The following PGM2L1 variants were observed in gnomAD, a reference collection of about 807,000 sequenced individuals.
PGM2L1 encodes glucose 1,6-bisphosphate synthase.
A neutral mutation model predicts 73.4 loss-of-function variants in PGM2L1; 35 were observed. That is an observed-to-expected ratio of 0.48 (90% CI 0.36 to 0.63). The LOEUF is 0.63. Ranked by LOEUF, PGM2L1 falls within the 30% of genes least tolerant of loss-of-function variation. PGM2L1 has a pLI of 0.00. For synonymous variants in PGM2L1, 225 were observed against 253.8 expected, an observed-to-expected ratio of 0.89 and a Z score of 1.08; for missense variants, 570 against 742.0, an observed-to-expected ratio of 0.77 and a Z score of 2.69.
intron 2 of PGM2L1, among the ~76,000 whole-genome samples, chr11:74,374,052 CAAAA>C (rs60395088): frequency 1.2e-5 from 1 of 85,646 alleles, no homozygotes; most frequent in South Asian, 4.7e-4. Context: ...TTTATAAAGC[CAAAA>C]AAAAAAAAAA....
chr11:74,357,181 A>G (rs1012315724), intron 5 of PGM2L1, among the ~76,000 whole-genome samples: 18 of 152,288 alleles, frequency 1.2e-4, no homozygotes, highest in African/African-American at 3.4e-4. Context: ...CACCAAAGGC[A>G]TGATCCATGA....
intron 1 of PGM2L1, among the ~76,000 whole-genome samples, chr11:74,396,451 G>A (rs1258317114): frequency 6.6e-6 from 1 of 150,832 alleles, no homozygotes; most frequent in Non-Finnish European, 1.5e-5. Context: ...GTCTCGCTCT[G>A]TCGCCCAGGC....
chr11:74,338,837 A>G (rs966411225), intron 12 of PGM2L1, among the ~76,000 whole-genome samples: 2 of 152,236 alleles, frequency 1.3e-5, no homozygotes, highest in African/African-American at 4.8e-5. Flanking sequence ...TCGCACAACA[A>G]TATAAATATA....
At chr11:74,359,361 T>G (rs1861409732) in intron 5 of PGM2L1, among the ~76,000 whole-genome samples, 1 of 152,060 alleles carries the variant, frequency 6.6e-6, no homozygotes, top group Admixed American at 6.6e-5. Context: ...CACTGCACTC[T>G]CTGACAGAGG....
At chr11:74,340,601 CACA>C (rs1219799868) in intron 12 of PGM2L1, among the ~76,000 whole-genome samples, 3 of 152,266 alleles carry the variant, frequency 2.0e-5, no homozygotes, top group Non-Finnish European at 4.4e-5. Flanking sequence ...TAATAATCAT[CACA>C]ACAACAATAA....
At chr11:74,397,920 C>G (rs1409705076) in intron 1 of PGM2L1, 131 bp downstream of exon 1, 2 of 1,371,226 alleles carry the variant, frequency 1.5e-6, no homozygotes, top group East Asian at 5.5e-5. Context: ...GTGGCAACGC[C>G]CTGCTCCGCT....
intron 12 of PGM2L1, among the ~76,000 whole-genome samples, chr11:74,341,670 A>G: frequency 7.1e-6 from 1 of 140,800 alleles, no homozygotes; most frequent in Non-Finnish European, 1.5e-5. Context: ...CCAGCCTGGT[A>G]GACAGAGCGA....
intron 9 of PGM2L1, among the ~76,000 whole-genome samples, chr11:74,343,998 A>G (rs1340919442): frequency 6.6e-6 from 1 of 151,756 alleles, no homozygotes; most frequent in Non-Finnish European, 1.5e-5. Flanking sequence ...GCTGGTCTTG[A>G]ACTCCTGACC....
Position 74,380,512 on chromosome 11 carries a change from T to C in PGM2L1, c.112-5930A>G, listed in dbSNP as rs151256670. Among the ~76,000 whole-genome samples the C allele has an allele frequency of 1.1e-3, 170 of 152,242 alleles. 1 individual carries two copies. Among genetic ancestry groups the C allele is most frequent in the African/African-American group, 3.9e-3 (162 of 41,584 alleles). ...TATAAAATGAGATTTATTTGAATAA[T>C]TGCTTAATAAACACAAAAATCATAT... On this transcript the variant is annotated intron_variant, in intron 1 of 13. Transcript: ENST00000298198.
intron 5 of PGM2L1, among the ~76,000 whole-genome samples, chr11:74,363,009 G>A (rs4505089): frequency 0.029 from 4,408 of 152,176 alleles, 201 homozygotes; most frequent in African/African-American, 0.099. Flanking sequence ...CTCAGCAAAT[G>A]TAAAAGAACA....
chr11:74,383,824 A>AATAAATATATATATAT lies in PGM2L1; in HGVS notation c.112-9243_112-9242insATATATATATATTTAT, dbSNP rs61026077. Among the ~76,000 whole-genome samples the AATAAATATATATATAT allele has an allele frequency of 4.6e-3, 560 of 121,798 alleles. 15 individuals are homozygous for AATAAATATATATATAT. In the South Asian group the frequency reaches 0.067, roughly 15 times the overall value. The allele number at this position is 121,798 out of a possible 152,430, so 79.9% of individuals were successfully genotyped here. The stretch of plus-strand genomic sequence containing the variant: ...AGTATTCTATGGAGATATATAAATA[A>AATAAATATATATATAT]ATATATATATATATATATAACATTT... On this transcript the variant is annotated intron_variant, in intron 1 of 13. Coordinates refer to ENST00000298198, the MANE Select transcript of PGM2L1 (RefSeq NM_173582.6).
At chr11:74,374,710 C>T in intron 1 of PGM2L1, 128 bp from the exon 2 acceptor site, 1 of 735,298 alleles carries the variant, frequency 1.4e-6, no homozygotes, top group East Asian at 2.7e-5. Context: ...AGTGCTACTT[C>T]TTTGTATGTA....
At chr11:74,338,377 A>G in intron 13 of PGM2L1, 91 bp downstream of exon 13, 1 of 1,216,642 alleles carries the variant, frequency 8.2e-7, no homozygotes, top group Non-Finnish European at 1.1e-6. Context: ...AAGCCACTGA[A>G]TTGTACATTT....
At chr11:74,376,651 A>G (rs1045293405) in intron 1 of PGM2L1, among the ~76,000 whole-genome samples, 1 of 152,092 alleles carries the variant, frequency 6.6e-6, no homozygotes, top group African/African-American at 2.4e-5. Context: ...TCCAGCAGAC[A>G]TAAATGCTGT....
At position 74,377,134 on chromosome 11, in the gene PGM2L1, A is replaced by AT. The variant is rs1276625434; in HGVS notation, c.112-2553dup. ...TTATAAACTAATTATCATTATTATT[A>AT]TTTCTTTTTTTTTTTTTTGAGACGG... On this transcript the variant is annotated intron_variant, in intron 1 of 13. Coordinates refer to ENST00000298198, the MANE Select transcript of PGM2L1 (RefSeq NM_173582.6). 2.1e-5 allele frequency among the ~76,000 whole-genome samples: 3 copies of AT among 146,306 alleles called. No homozygotes were observed. The Admixed American group carries it at 2.1e-4, about 10-fold the overall frequency.
chr11:74,372,957 C>T (rs1862794728), intron 2 of PGM2L1, among the ~76,000 whole-genome samples: 1 of 152,142 alleles, frequency 6.6e-6, no homozygotes, highest in African/African-American at 2.4e-5. Context: ...TTAATCTCTG[C>T]TATCAGAATG....
At position 74,389,631 on chromosome 11, in the gene PGM2L1, C is replaced by G. The variant is rs556792156; in HGVS notation, c.111+8420G>C. Among the ~76,000 whole-genome samples the G allele has an allele frequency of 4.6e-5, 7 of 150,950 alleles. No individual in the cohort carries two copies. The East Asian group carries it at 1.4e-3, about 30-fold the overall frequency. On this transcript the variant is annotated intron_variant, in intron 1 of 13. Transcript: ENST00000298198. ...CCCAGCTAATTTTTTGTATTTTTAA[C>G]AGAGATGGGGGTTTCACCATGTTGG...
chr11:74,389,218 T>C (rs1863055563), intron 1 of PGM2L1, among the ~76,000 whole-genome samples: 1 of 152,142 alleles, frequency 6.6e-6, no homozygotes, highest in Non-Finnish European at 1.5e-5. Flanking sequence ...ATGATCACAC[T>C]GCACTCTAGC....
At chr11:74,363,396 G>T (rs542285513) in intron 5 of PGM2L1, among the ~76,000 whole-genome samples, 1 of 151,958 alleles carries the variant, frequency 6.6e-6, no homozygotes, top group Non-Finnish European at 1.5e-5. Flanking sequence ...GATCAGAGAA[G>T]AACTGAAGGA....
Sources: gnomAD v4.1 joint callset for allele counts (sites outside exome capture counted in the v4.1 genomes callset) on GRCh38, gnomAD v4.1.1 for gene constraint, MANE v1.5 for transcripts, NCBI Gene and HGNC (gene_info 2026-07-23, HGNC 2026-07-21) for gene names.